Variants in STK32B observed in about 807,000 individuals in gnomAD.
The protein encoded by STK32B is serine/threonine-protein kinase 32B.
A neutral mutation model predicts 52.6 loss-of-function variants in STK32B; 43 were observed. The ratio of observed to expected loss-of-function variants is 0.82; its 90% confidence interval spans 0.64 to 1.05. STK32B has a LOEUF of 1.05. STK32B is among the 50% of genes least tolerant of loss of function. The pLI, the probability that STK32B is intolerant of heterozygous loss-of-function variation, is 0.00. For missense variants in STK32B, 621 were observed against 534.6 expected (o/e 1.16, Z -1.59); for synonymous variants, 238 against 204.3 (o/e 1.17, Z -1.41).
chr4:5,304,012 T>A (rs1009065509), intron 3 of STK32B, among the ~76,000 whole-genome samples: 2 of 152,106 alleles, frequency 1.3e-5, no homozygotes, highest in African/African-American at 4.8e-5. Flanking sequence ...ATTTTTGAGT[T>A]CTCTATTCTG....
intron 3 of STK32B, among the ~76,000 whole-genome samples, chr4:5,263,925 T>C (rs546300792): frequency 1.6e-4 from 25 of 152,318 alleles, no homozygotes; most frequent in Non-Finnish European, 3.4e-4. Context: ...TGAATGAAAA[T>C]ATTGTGCCTG....
chr4:5,179,960 T>C (rs1419475268), intron 3 of STK32B, among the ~76,000 whole-genome samples: 3 of 152,204 alleles, frequency 2.0e-5, no homozygotes, highest in African/African-American at 7.2e-5. Flanking sequence ...GACCTGGCTC[T>C]GGTCACACAC....
chr4:5,184,563 C>T (rs1320908073), intron 3 of STK32B, among the ~76,000 whole-genome samples: 2 of 151,744 alleles, frequency 1.3e-5, no homozygotes, highest in Admixed American at 6.6e-5. Context: ...TGGTGCATGC[C>T]TGTAATCCCA....
chr4:5,020,497 G>A, the STK32B span, among the ~76,000 whole-genome samples: 1 of 152,202 alleles, frequency 6.6e-6, no homozygotes, highest in African/African-American at 2.4e-5. Flanking sequence ...CTGTGAGGTA[G>A]GTGCCACAGA....
At chr4:5,406,846 C>A (rs1737716724) in intron 5 of STK32B, among the ~76,000 whole-genome samples, 1 of 152,166 alleles carries the variant, frequency 6.6e-6, no homozygotes, top group Non-Finnish European at 1.5e-5. Flanking sequence ...CTCTGGAATG[C>A]CTTTGAGGCA....
Position 5,408,156 on chromosome 4 carries a change from G to T in STK32B, c.473-8689G>T, listed in dbSNP as rs547033325. On this transcript the variant is annotated intron_variant, in intron 5 of 11. Coordinates refer to ENST00000282908, the MANE Select transcript of STK32B (RefSeq NM_018401.3). Reference sequence around the variant, plus strand: ...AGCAGCCCAAACGGACTGAGATGGGGAGTGAAGGGCTGGAAAGAAGCTAAT... The same window carrying T: ...AGCAGCCCAAACGGACTGAGATGGGTAGTGAAGGGCTGGAAAGAAGCTAAT... 7.9e-5 allele frequency among the ~76,000 whole-genome samples: 12 copies of T among 152,242 alleles called. No individual in the cohort carries two copies. In the East Asian group the frequency reaches 2.3e-3, roughly 29 times the overall value.
chr4:5,466,718 T>G lies in STK32B; in HGVS notation c.925T>G (p.Cys309Gly). 3 of 1,613,508 alleles carry G rather than the reference T, an allele frequency of 1.9e-6. No homozygotes were observed. Among genetic ancestry groups the G allele is most frequent in the Non-Finnish European group, 2.5e-6 (3 of 1,179,768 alleles). ...GFVPNKGRLN[C>G]DPTFELEEMI... is the part of the protein sequence containing the mutation. ...TCCCCTTTAGAAAGGGAGGTTGAAC[T>G]GCGATCCCACATTTGAGCTTGAAGA... Residue 309 changes from cysteine to glycine, a missense_variant, in exon 10 of 12, where the codon TGC (cysteine) becomes GGC (glycine). By Grantham distance (159) the Cys-to-Gly change is radical. Coordinates refer to ENST00000282908, the MANE Select transcript of STK32B (RefSeq NM_018401.3).
chr4:5,132,737 G>A (rs1333293532), intron 1 of STK32B, among the ~76,000 whole-genome samples: 4 of 151,864 alleles, frequency 2.6e-5, no homozygotes, highest in African/African-American at 9.7e-5. Flanking sequence ...ATGGCCATTT[G>A]TTATAGCAGC....
chr4:5,377,493 A>G (rs976635450), intron 4 of STK32B, among the ~76,000 whole-genome samples: 2 of 152,158 alleles, frequency 1.3e-5, no homozygotes, highest in East Asian at 3.9e-4. Context: ...ATTTTAAAGG[A>G]GGACTTTATA....
chr4:5,053,338 G>A (rs1560127515), intron 1 of STK32B, among the ~76,000 whole-genome samples: 1 of 152,182 alleles, frequency 6.6e-6, no homozygotes, highest in Non-Finnish European at 1.5e-5. Flanking sequence ...TAAGGAGCCA[G>A]TTGTGGACAG....
chr4:5,477,773 G>A (rs866664816), intron 11 of STK32B, among the ~76,000 whole-genome samples: 3 of 152,114 alleles, frequency 2.0e-5, no homozygotes, highest in African/African-American at 4.8e-5. Context: ...CTCACTGGCC[G>A]GAACTAGTCA....
At chr4:5,188,532 C>T (rs868177970) in intron 3 of STK32B, among the ~76,000 whole-genome samples, 19 of 152,242 alleles carry the variant, frequency 1.2e-4, no homozygotes, top group Middle Eastern at 6.8e-3. Context: ...ATCTGCAAGG[C>T]ATACCCCTTC....
the STK32B span, among the ~76,000 whole-genome samples, chr4:5,041,283 G>A: frequency 2.0e-5 from 3 of 150,790 alleles, no homozygotes; most frequent in Non-Finnish European, 4.4e-5. Context: ...ACAAGTTCAA[G>A]TACAGTTTCA....
intron 5 of STK32B, among the ~76,000 whole-genome samples, chr4:5,416,355 A>G (rs1394770992): frequency 6.6e-6 from 1 of 152,116 alleles, no homozygotes; most frequent in Non-Finnish European, 1.5e-5. Flanking sequence ...CCTGGATGGA[A>G]GGTGGTCTCA....
chr4:5,381,109 A>G (rs1284181823), intron 4 of STK32B, among the ~76,000 whole-genome samples: 1 of 152,212 alleles, frequency 6.6e-6, no homozygotes, highest in Non-Finnish European at 1.5e-5. Context: ...CGTCCACTGT[A>G]TTTTAAGTAG....
intron 3 of STK32B, among the ~76,000 whole-genome samples, chr4:5,253,169 A>C (rs1427920582): frequency 1.3e-5 from 2 of 152,052 alleles, no homozygotes; most frequent in Non-Finnish European, 2.9e-5. Flanking sequence ...GTTGATCCAC[A>C]TGCTCTGTTG....
chr4:5,023,733 C>T, the STK32B span, among the ~76,000 whole-genome samples: 1 of 152,160 alleles, frequency 6.6e-6, no homozygotes, highest in Admixed American at 6.5e-5. Context: ...CGATTAACGC[C>T]TCTCTGTCTA....
At chr4:5,463,437 C>T (rs1273109016) in intron 9 of STK32B, among the ~76,000 whole-genome samples, 1 of 151,868 alleles carries the variant, frequency 6.6e-6, no homozygotes, top group Non-Finnish European at 1.5e-5. Flanking sequence ...TCCTCAGCCC[C>T]TCTCCTGCAC....
At chr4:5,438,871 G>A (rs546473332) in intron 6 of STK32B, among the ~76,000 whole-genome samples, 1 of 151,616 alleles carries the variant, frequency 6.6e-6, no homozygotes, top group Non-Finnish European at 1.5e-5. Flanking sequence ...TTTGTTCTTG[G>A]GATAATTTAC....
Sources: allele counts gnomAD v4.1 joint callset (sites outside exome capture counted in the v4.1 genomes callset), GRCh38; gene constraint gnomAD v4.1.1; transcripts MANE v1.5; gene names NCBI Gene and HGNC (gene_info 2026-07-23, HGNC 2026-07-21).